The following SPOCK1 variants were observed in gnomAD, a reference collection of about 807,000 sequenced individuals.
The protein encoded by SPOCK1 is SPARC (osteonectin), cwcv and kazal like domains proteoglycan 1.
SPOCK1 carries 23 observed loss-of-function variants against 55.3 expected under a neutral mutation model. The ratio of observed to expected loss-of-function variants is 0.42; its 90% confidence interval spans 0.30 to 0.59. The LOEUF (loss-of-function observed/expected upper bound fraction) is 0.59, where lower values mean the gene tolerates loss of function less well. Ranked by LOEUF, SPOCK1 falls within the 20% of genes least tolerant of loss-of-function variation. The probability of loss-of-function intolerance (pLI) is 0.22; values close to 1 mark genes in which losing one functional copy is unlikely to be tolerated. For missense variants in SPOCK1, 499 were observed against 552.5 expected, an observed-to-expected ratio of 0.90 and a Z score of 0.97; for synonymous variants, 226 against 221.0, an observed-to-expected ratio of 1.02 and a Z score of -0.20.
intron 2 of SPOCK1, among the ~76,000 whole-genome samples, chr5:137,303,946 C>G (rs570163101): frequency 6.6e-6 from 1 of 152,284 alleles, no homozygotes; most frequent in Admixed American, 6.5e-5. Flanking sequence ...AAAGCCATCC[C>G]CCTTAGGAGT....
intron 2 of SPOCK1, among the ~76,000 whole-genome samples, chr5:137,429,196 T>A (rs1182277763): frequency 2.6e-5 from 4 of 152,194 alleles, no homozygotes; most frequent in Non-Finnish European, 1.5e-5. Context: ...TGCAGCAGGA[T>A]TCTGCTTTCT....
intron 2 of SPOCK1, among the ~76,000 whole-genome samples, chr5:137,476,413 A>T (rs1198209160): frequency 3.9e-5 from 6 of 152,230 alleles, no homozygotes; most frequent in Non-Finnish European, 8.8e-5. Context: ...TATGTACTAA[A>T]AAAAGAAAAA....
intron 3 of SPOCK1, among the ~76,000 whole-genome samples, chr5:137,235,608 G>A (rs1275431279): frequency 2.0e-5 from 3 of 152,226 alleles, no homozygotes; most frequent in African/African-American, 7.2e-5. Context: ...ATACACACAT[G>A]TGTGAGCAGG....
At chr5:137,296,188 T>C (rs1287878914) in intron 2 of SPOCK1, among the ~76,000 whole-genome samples, 1 of 152,190 alleles carries the variant, frequency 6.6e-6, no homozygotes, top group East Asian at 1.9e-4. Flanking sequence ...CTTCCCAGCT[T>C]CCAGACAGTG....
At chr5:137,015,279 A>C (rs1751429933) in intron 6 of SPOCK1, among the ~76,000 whole-genome samples, 1 of 98,742 alleles carries the variant, frequency 1.0e-5, no homozygotes, top group Non-Finnish European at 1.9e-5. Context: ...ATCTCTACTA[A>C]AAATACAAAA....
intron 2 of SPOCK1, among the ~76,000 whole-genome samples, chr5:137,427,605 T>C (rs1752660177): frequency 6.6e-6 from 1 of 152,082 alleles, no homozygotes; most frequent in Non-Finnish European, 1.5e-5. Context: ...AAACAACTTG[T>C]CTTACCGTAA....
intron 3 of SPOCK1, among the ~76,000 whole-genome samples, chr5:137,157,466 T>G (rs188408455): frequency 5.3e-4 from 80 of 152,238 alleles, no homozygotes; most frequent in Non-Finnish European, 1.0e-3. Context: ...CCTGCTTTTT[T>G]CTTTCAGTCT....
intron 3 of SPOCK1, among the ~76,000 whole-genome samples, chr5:137,187,514 G>A (rs565387795): frequency 6.6e-6 from 1 of 152,144 alleles, no homozygotes; most frequent in African/African-American, 2.4e-5. Flanking sequence ...CTCATCTATA[G>A]CAAATACCTC....
At chr5:137,356,393 G>C (rs1178139459) in intron 2 of SPOCK1, among the ~76,000 whole-genome samples, 1 of 152,102 alleles carries the variant, frequency 6.6e-6, no homozygotes, top group East Asian at 1.9e-4. Context: ...ATCTAAAAGG[G>C]AAGTGGGCAT....
At chr5:137,226,032 ACAGGGACATCCAGACCC>A (rs1236668627) in intron 3 of SPOCK1, among the ~76,000 whole-genome samples, 2 of 152,182 alleles carry the variant, frequency 1.3e-5, no homozygotes, top group East Asian at 3.9e-4. Context: ...CCACAGCTCA[ACAGGGACATCCAGACCC>A]AACCTAAATC....
intron 2 of SPOCK1, among the ~76,000 whole-genome samples, chr5:137,484,052 T>C (rs925841015): frequency 6.6e-6 from 1 of 152,174 alleles, no homozygotes; most frequent in Non-Finnish European, 1.5e-5. Context: ...GCCTTGTCTG[T>C]ATTCGACAGG....
Position 136,978,447 on chromosome 5 carries a change from A to AC in SPOCK1, c.*206_*207insG. The AC allele has an allele frequency of 4.5e-6, 2 of 445,388 alleles. No homozygotes were observed. The highest frequency in any genetic ancestry group is 7.6e-6 in the Non-Finnish European group (2 of 262,352). 27.6% of individuals were successfully genotyped at this position (445,388 alleles called of 1,614,324 possible). A position where few individuals can be genotyped will look rare whatever the true frequency, so the allele number is the denominator to read the frequency against. On this transcript the variant is annotated 3_prime_UTR_variant, in exon 11 of 11. Transcript: ENST00000394945. ...TATCCAAAAAATAAACAACAACAAAAAAAAAACACAACACCCTTTCTCCCA... is the reference window on the plus strand; with the variant it reads ...TATCCAAAAAATAAACAACAACAAAACAAAAAACACAACACCCTTTCTCCCA...
intron 4 of SPOCK1, among the ~76,000 whole-genome samples, chr5:137,127,768 G>A (rs189223459): frequency 2.6e-5 from 4 of 152,138 alleles, no homozygotes; most frequent in African/African-American, 9.7e-5. Flanking sequence ...GGTTTCACAG[G>A]TTCACAGCTG....
chr5:137,314,083 C>A (rs1158751527), intron 2 of SPOCK1, among the ~76,000 whole-genome samples: 1 of 151,546 alleles, frequency 6.6e-6, no homozygotes, highest in African/African-American at 2.4e-5. Context: ...TGAGCTCTAC[C>A]CCTTAGGCTT....
chr5:137,082,431 G>C (rs982732926), intron 5 of SPOCK1, among the ~76,000 whole-genome samples: 2 of 152,184 alleles, frequency 1.3e-5, no homozygotes, highest in African/African-American at 4.8e-5. Flanking sequence ...GATGCTTATG[G>C]AGAAAGATCC....
intron 2 of SPOCK1, among the ~76,000 whole-genome samples, chr5:137,389,764 A>G (rs780081808): frequency 3.3e-5 from 5 of 152,260 alleles, no homozygotes; most frequent in Non-Finnish European, 7.3e-5. Flanking sequence ...TGGCCACAAC[A>G]TCTCGAGTTC....
At position 136,995,953 on chromosome 5, in the gene SPOCK1, G is replaced by A. The variant is rs563228097; in HGVS notation, c.590-3353C>T. 6.6e-5 allele frequency among the ~76,000 whole-genome samples: 10 copies of A among 152,298 alleles called. 1 individual carries two copies. Among genetic ancestry groups the A allele is most frequent in the Admixed American group, 2.6e-4 (4 of 15,292 alleles). ...CTGTTCACTCACAAGGTCTTCAACC[G>A]AATGGTCTGTATGAGAAGAAAGTCA... On this transcript the variant is annotated intron_variant, in intron 6 of 10. Transcript: ENST00000394945.
chr5:137,316,843 C>T (rs1398614400), intron 2 of SPOCK1, among the ~76,000 whole-genome samples: 2 of 152,176 alleles, frequency 1.3e-5, no homozygotes, highest in African/African-American at 4.8e-5. Context: ...TAGAATAACA[C>T]CATTTCTGTG....
intron 2 of SPOCK1, among the ~76,000 whole-genome samples, chr5:137,375,084 A>G (rs1751284242): frequency 6.6e-6 from 1 of 152,242 alleles, no homozygotes; most frequent in Non-Finnish European, 1.5e-5. Context: ...ATCCACTGCT[A>G]ATTTTTAAAA....
Sources: gnomAD v4.1 joint callset for allele counts (sites outside exome capture counted in the v4.1 genomes callset) on GRCh38, gnomAD v4.1.1 for gene constraint, MANE v1.5 for transcripts, NCBI Gene and HGNC (gene_info 2026-07-23, HGNC 2026-07-21) for gene names.